Variants in CPNE4 observed in about 807,000 individuals in gnomAD.
CPNE4 encodes the protein copine-4.
A neutral mutation model predicts 67.9 loss-of-function variants in CPNE4; 25 were observed. That is an observed-to-expected ratio of 0.37 (90% confidence interval 0.27 to 0.51). The LOEUF is 0.51. CPNE4 is among the 20% of genes least tolerant of loss of function. The pLI, the probability that CPNE4 is intolerant of heterozygous loss-of-function variation, is 0.93. For synonymous variants in CPNE4, 242 were observed against 244.9 expected (o/e 0.99, Z 0.11); for missense variants, 464 against 690.8 (o/e 0.67, Z 3.68).
chr3:131,867,078 G>T (rs550781666), intron 2 of CPNE4, among the ~76,000 whole-genome samples: 1 of 152,172 alleles, frequency 6.6e-6, no homozygotes, highest in Non-Finnish European at 1.5e-5. Flanking sequence ...AGAAATTCAG[G>T]TGAGAAGTCA....
At chr3:131,800,089 C>T (rs1177870135) in intron 2 of CPNE4, among the ~76,000 whole-genome samples, 2 of 151,986 alleles carry the variant, frequency 1.3e-5, no homozygotes, top group East Asian at 3.9e-4. Flanking sequence ...GATCCTGTCA[C>T]CCAAGTAATG....
At chr3:132,023,013 T>A (rs1423037664) in intron 1 of CPNE4, among the ~76,000 whole-genome samples, 1 of 152,330 alleles carries the variant, frequency 6.6e-6, no homozygotes, top group East Asian at 1.9e-4. Flanking sequence ...CTATAAAGCA[T>A]TCAGAGTCAG....
intron 2 of CPNE4, among the ~76,000 whole-genome samples, chr3:131,878,966 A>T (rs1279177235): frequency 6.6e-6 from 1 of 152,232 alleles, no homozygotes; most frequent in Non-Finnish European, 1.5e-5. Context: ...TTGAATAAAT[A>T]ACTTCTAAGA....
intron 15 of CPNE4, among the ~76,000 whole-genome samples, chr3:131,538,260 A>G (rs4854562): frequency 1 from 152,285 of 152,358 alleles, 76,106 homozygotes; most frequent in Middle Eastern, 1. Flanking sequence ...CTTGAAATAA[A>G]GCAAGTCTGA....
chr3:131,935,408 T>A (rs2071193436), intron 1 of CPNE4, among the ~76,000 whole-genome samples: 1 of 151,976 alleles, frequency 6.6e-6, no homozygotes, highest in African/African-American at 2.4e-5. Context: ...ATCTGGAAAG[T>A]GGGATGTTTT....
Position 131,535,054 on chromosome 3 carries a change from AT to A in CPNE4, c.*140del, listed in dbSNP as rs1935056342. On this transcript the variant is annotated 3_prime_UTR_variant, in exon 16 of 16. Coordinates refer to ENST00000429747, the MANE Select transcript of CPNE4 (RefSeq NM_130808.3). ...CTACACATGCAAAAAAAATTGTCAG[AT>A]AGTTAAAAATCACCAAAACGTGCTA... The A allele has an allele frequency of 1.2e-6, 1 of 851,352 alleles. No individual in the cohort carries two copies. Among genetic ancestry groups the A allele is most frequent in the South Asian group, 2.6e-5 (1 of 38,774 alleles). The allele number at this position is 851,352 out of a possible 1,614,324, so 52.7% of individuals were successfully genotyped here. A position where few individuals can be genotyped will look rare whatever the true frequency, so the allele number is the denominator to read the frequency against.
chr3:131,972,703 C>T (rs907602128), intron 1 of CPNE4, among the ~76,000 whole-genome samples: 2 of 152,156 alleles, frequency 1.3e-5, no homozygotes, highest in African/African-American at 4.8e-5. Flanking sequence ...TTTAAGGTAG[C>T]TCTGAACTGG....
chr3:131,780,739 C>A (rs1028862679), intron 2 of CPNE4, among the ~76,000 whole-genome samples: 27 of 151,954 alleles, frequency 1.8e-4, no homozygotes, highest in African/African-American at 6.5e-4. Flanking sequence ...GCCTGAGTGA[C>A]AAAATTACCT....
intron 2 of CPNE4, among the ~76,000 whole-genome samples, chr3:131,810,861 GA>G (rs1464072553): frequency 6.6e-6 from 1 of 152,032 alleles, no homozygotes; most frequent in East Asian, 1.9e-4. Context: ...CCTTAAAAAA[GA>G]AGGAAATCAT....
intron 1 of CPNE4, among the ~76,000 whole-genome samples, chr3:131,978,488 A>ATATATT (rs2072803367): frequency 7.6e-5 from 5 of 65,530 alleles, no homozygotes; most frequent in African/African-American, 3.6e-4. Flanking sequence ...ATATATATTT[A>ATATATT]TATATATTTA....
intron 6 of CPNE4, among the ~76,000 whole-genome samples, chr3:131,670,019 T>G (rs565058512): frequency 1.3e-5 from 2 of 152,304 alleles, no homozygotes; most frequent in African/African-American, 2.4e-5. Context: ...TTCCAGCATG[T>G]GGATGCTGAG....
intron 2 of CPNE4, among the ~76,000 whole-genome samples, chr3:131,744,055 T>C (rs981829832): frequency 1.5e-5 from 2 of 135,394 alleles, no homozygotes; most frequent in African/African-American, 5.4e-5. Context: ...TTAATATTAT[T>C]TGAAAATTTG....
At chr3:131,883,297 G>T (rs1294905812) in intron 2 of CPNE4, among the ~76,000 whole-genome samples, 2 of 152,072 alleles carry the variant, frequency 1.3e-5, no homozygotes, top group African/African-American at 4.8e-5. Context: ...TCACCCAATT[G>T]CTCATCCCTC....
At chr3:131,670,942 C>T (rs186542034) in intron 6 of CPNE4, among the ~76,000 whole-genome samples, 296 of 152,244 alleles carry the variant, frequency 1.9e-3, no homozygotes, top group African/African-American at 6.8e-3. Context: ...GCATGTGCCA[C>T]CACACCCAGC....
intron 2 of CPNE4, among the ~76,000 whole-genome samples, chr3:131,894,763 G>A (rs766769918): frequency 3.1e-4 from 47 of 151,736 alleles, no homozygotes; most frequent in Non-Finnish European, 5.7e-4. Context: ...GCTATTGGAG[G>A]GACTGTAAAC....
At chr3:131,839,651 A>C (rs185529894) in intron 2 of CPNE4, among the ~76,000 whole-genome samples, 1 of 152,214 alleles carries the variant, frequency 6.6e-6, no homozygotes, top group Admixed American at 6.5e-5. Context: ...GGTTTATAGT[A>C]TACATTTATT....
chr3:131,839,415 A>G (rs899146056), intron 2 of CPNE4, among the ~76,000 whole-genome samples: 18 of 151,214 alleles, frequency 1.2e-4, no homozygotes, highest in African/African-American at 4.1e-4. Flanking sequence ...TACAAAATAT[A>G]TATCATACAT....
chr3:131,778,695 G>A (rs1039405796), intron 2 of CPNE4, among the ~76,000 whole-genome samples: 1 of 152,086 alleles, frequency 6.6e-6, no homozygotes, highest in African/African-American at 2.4e-5. Flanking sequence ...GAACAGGGTA[G>A]AAACTCTTTC....
rs549698688 is a variant in CPNE4 at position 131,662,074 on chromosome 3, GA to G, written c.681+7600del. On this transcript the variant is annotated intron_variant, in intron 7 of 15. Coordinates refer to ENST00000429747, the MANE Select transcript of CPNE4 (RefSeq NM_130808.3). ...GCAGTAAGAGCTAGAAGGTTTGCTAGAAAAAAATCAGCTTGAAACAGAAAGA... is the reference window on the plus strand; with the variant it reads ...GCAGTAAGAGCTAGAAGGTTTGCTAGAAAAAATCAGCTTGAAACAGAAAGA... Among the ~76,000 whole-genome samples the G allele has an allele frequency of 1.2e-3, 181 of 152,098 alleles. 1 individual carries two copies. Among genetic ancestry groups the G allele is most frequent in the African/African-American group, 4.0e-3 (166 of 41,488 alleles).
Sources: allele counts gnomAD v4.1 joint callset (sites outside exome capture counted in the v4.1 genomes callset), GRCh38; gene constraint gnomAD v4.1.1; transcripts MANE v1.5; gene names NCBI Gene and HGNC (gene_info 2026-07-23, HGNC 2026-07-21).